Variants in KHDRBS2 observed in about 807,000 individuals in gnomAD.
KHDRBS2 encodes the protein KH domain-containing, RNA-binding, signal transduction-associated protein 2.
KHDRBS2 carries 26 observed loss-of-function variants against 44.3 expected under a neutral mutation model. The observed-to-expected ratio is 0.59, with a 90% CI of 0.43 to 0.81. The LOEUF (loss-of-function observed/expected upper bound fraction) is 0.81, where lower values mean the gene tolerates loss of function less well. KHDRBS2 is among the 40% of genes least tolerant of loss of function. KHDRBS2 has a pLI of 0.00. For synonymous variants in KHDRBS2, 194 were observed against 151.1 expected, an observed-to-expected ratio of 1.28 and a Z score of -2.08; for missense variants, 476 against 433.1, an observed-to-expected ratio of 1.10 and a Z score of -0.88.
At chr6:61,593,473 G>GT in the KHDRBS2 span, among the ~76,000 whole-genome samples, 1 of 58,970 alleles carries the variant, frequency 1.7e-5, no homozygotes, top group Non-Finnish European at 3.7e-5. Context: ...ATGTACTATA[G>GT]GTTTTTTTTT....
intron 6 of KHDRBS2, among the ~76,000 whole-genome samples, chr6:61,848,242 G>A (rs548053676): frequency 3.3e-5 from 5 of 151,358 alleles, no homozygotes; most frequent in African/African-American, 1.2e-4. Context: ...CAGGTAGCCT[G>A]TAGCCCACAT....
the KHDRBS2 span, among the ~76,000 whole-genome samples, chr6:61,605,044 A>G: frequency 6.6e-6 from 1 of 152,232 alleles, no homozygotes; most frequent in African/African-American, 2.4e-5. Flanking sequence ...TCTTTTAAAA[A>G]CACACCTCAC....
the KHDRBS2 span, among the ~76,000 whole-genome samples, chr6:61,567,233 G>A: frequency 3.9e-5 from 6 of 152,290 alleles, no homozygotes; most frequent in Admixed American, 2.6e-4. Flanking sequence ...GGAAAAAAAA[G>A]AATTTACAGC....
At chr6:62,122,686 G>A (rs531612639) in intron 2 of KHDRBS2, among the ~76,000 whole-genome samples, 5 of 152,188 alleles carry the variant, frequency 3.3e-5, no homozygotes, top group South Asian at 2.1e-4. Context: ...GTCTGCATAC[G>A]TGGCTCTGCA....
intron 1 of KHDRBS2, among the ~76,000 whole-genome samples, chr6:62,250,079 C>G (rs1482187486): frequency 6.6e-6 from 1 of 151,952 alleles, no homozygotes; most frequent in East Asian, 1.9e-4. Flanking sequence ...GGGAACAGTT[C>G]TAGGGGCAAT....
At chr6:62,222,610 G>A (rs1205513382) in intron 1 of KHDRBS2, among the ~76,000 whole-genome samples, 1 of 152,026 alleles carries the variant, frequency 6.6e-6, no homozygotes, top group African/African-American at 2.4e-5. Flanking sequence ...TTTGAATGGG[G>A]ACACAGCCAA....
At chr6:61,670,849 A>C in the KHDRBS2 span, among the ~76,000 whole-genome samples, 1 of 151,472 alleles carries the variant, frequency 6.6e-6, no homozygotes, top group African/African-American at 2.4e-5. Context: ...TCCTTTTATA[A>C]TTTCTGGTTT....
At position 61,989,530 on chromosome 6, in the gene KHDRBS2, C is replaced by A. The variant is rs193040383; in HGVS notation, c.337-11318G>T. ...CTACTTATTGTTTTCCTTGAAAACA[C>A]ATATGTAATGGGTTGTATCTGCTTG... On this transcript the variant is annotated intron_variant, in intron 3 of 8. Coordinates refer to ENST00000281156, the MANE Select transcript of KHDRBS2 (RefSeq NM_152688.4). 3.3e-5 allele frequency among the ~76,000 whole-genome samples: 5 copies of A among 152,246 alleles called. No homozygotes were observed. The South Asian group carries it at 8.3e-4, about 25-fold the overall frequency.
chr6:61,676,792 A>G (rs556194116), downstream of KHDRBS2, among the ~76,000 whole-genome samples: 2 of 151,886 alleles, frequency 1.3e-5, no homozygotes, highest in African/African-American at 4.8e-5. Flanking sequence ...CTTTTATTGG[A>G]TAAGTGACAC....
At position 62,090,790 on chromosome 6, in the gene KHDRBS2, T is replaced by C. The variant is rs560172996; in HGVS notation, c.220-42796A>G. ...AATTTTTTTCCAATGAACTCAATGT[T>C]CTGTTATTGCTTTAAATTTTGTTTC... On this transcript the variant is annotated intron_variant, in intron 2 of 8. Transcript: ENST00000281156. Among the ~76,000 whole-genome samples, 16 of 152,242 alleles carry C rather than the reference T, an allele frequency of 1.1e-4. No homozygotes were observed. The South Asian group carries it at 3.3e-3, about 32-fold the overall frequency.
At chr6:61,949,702 T>C (rs1168647687) in intron 4 of KHDRBS2, among the ~76,000 whole-genome samples, 2 of 152,116 alleles carry the variant, frequency 1.3e-5, no homozygotes, top group Non-Finnish European at 2.9e-5. Flanking sequence ...TTATAGATAG[T>C]ATTGTTTTTG....
intron 2 of KHDRBS2, among the ~76,000 whole-genome samples, chr6:62,069,407 C>T (rs1244805189): frequency 6.6e-6 from 1 of 151,684 alleles, no homozygotes; most frequent in East Asian, 2.0e-4. Flanking sequence ...AAATGGCAGG[C>T]AACTGCAGCT....
intron 1 of KHDRBS2, among the ~76,000 whole-genome samples, chr6:62,260,143 A>G (rs1838102049): frequency 6.6e-6 from 1 of 152,126 alleles, no homozygotes; most frequent in South Asian, 2.1e-4. Context: ...AGAAGGTAAT[A>G]CTAATATTTA....
chr6:61,948,727 G>T (rs1264177206), intron 4 of KHDRBS2, among the ~76,000 whole-genome samples: 1 of 150,356 alleles, frequency 6.7e-6, no homozygotes, highest in Non-Finnish European at 1.5e-5. Context: ...TGCCCAGGCT[G>T]GTCTTGAACT....
the KHDRBS2 span, among the ~76,000 whole-genome samples, chr6:61,642,431 G>A: frequency 4.6e-5 from 7 of 151,474 alleles, no homozygotes; most frequent in East Asian, 1.9e-4. Context: ...CAAGGCAGGC[G>A]GATTGCTTGA....
In KHDRBS2 at chr6:62,231,119, T is replaced by C. The variant is rs191867534; in HGVS notation, c.92-53807A>G. Among the ~76,000 whole-genome samples the C allele has an allele frequency of 1.6e-3, 251 of 152,312 alleles. 1 individual carries two copies. Among genetic ancestry groups the C allele is most frequent in the Middle Eastern group, 6.8e-3 (2 of 294 alleles). On this transcript the variant is annotated intron_variant, in intron 1 of 8. Transcript: ENST00000281156. Reference sequence around the variant, plus strand: ...TTAATATAATATTAGAAATGCCTTGTTTTTATCTGTAACTGTCTCATAGTC... The same window carrying C: ...TTAATATAATATTAGAAATGCCTTGCTTTTATCTGTAACTGTCTCATAGTC...
chr6:62,008,954 G>A (rs1163977202), intron 3 of KHDRBS2, among the ~76,000 whole-genome samples: 1 of 152,120 alleles, frequency 6.6e-6, no homozygotes, highest in Admixed American at 6.5e-5. Flanking sequence ...GGCTAATAGA[G>A]TAAATTGGTG....
At chr6:62,129,922 TA>T (rs1809891648) in intron 2 of KHDRBS2, among the ~76,000 whole-genome samples, 1 of 152,150 alleles carries the variant, frequency 6.6e-6, no homozygotes, top group East Asian at 1.9e-4. Context: ...ATATGATATT[TA>T]AAAACTGAGG....
At chr6:62,040,603 A>T (rs1786268405) in intron 3 of KHDRBS2, among the ~76,000 whole-genome samples, 1 of 152,046 alleles carries the variant, frequency 6.6e-6, no homozygotes, top group Non-Finnish European at 1.5e-5. Flanking sequence ...GCATGTGTAA[A>T]GCCTGCACTA....
Sources: allele counts gnomAD v4.1 joint callset (sites outside exome capture counted in the v4.1 genomes callset), GRCh38; gene constraint gnomAD v4.1.1; transcripts MANE v1.5; gene names NCBI Gene and HGNC (gene_info 2026-07-23, HGNC 2026-07-21).